Variants in CPA4 observed in about 807,000 individuals in gnomAD.
CPA4 encodes carboxypeptidase A4.
Under a neutral mutation model 54.7 loss-of-function variants are expected in CPA4, and 49 were observed. The observed-to-expected ratio is 0.90, with a 90% CI of 0.71 to 1.14. The LOEUF is 1.14. CPA4 is among the 50% of genes most tolerant of loss of function. The pLI is 0.00. For missense variants in CPA4, 487 were observed against 525.1 expected (o/e 0.93, Z 0.71); for synonymous variants, 215 against 206.8 (o/e 1.04, Z -0.34).
intron 1 of CPA4, chr7:130,293,471 C>A: frequency 1.9e-6 from 1 of 515,342 alleles, no homozygotes; most frequent in Non-Finnish European, 3.5e-6. Flanking sequence ...CCCCAGCTCC[C>A]TCATCTCCTG....
At chr7:130,295,729 C>A (rs1793638152) in intron 1 of CPA4, among the ~76,000 whole-genome samples, 1 of 152,206 alleles carries the variant, frequency 6.6e-6, no homozygotes, top group Non-Finnish European at 1.5e-5. Flanking sequence ...CCTGTAATCC[C>A]AGCACTTTGG....
chr7:130,295,603 G>A (rs1216474712), intron 1 of CPA4, among the ~76,000 whole-genome samples: 1 of 152,226 alleles, frequency 6.6e-6, no homozygotes, highest in East Asian at 1.9e-4. Flanking sequence ...CAAGGACAGT[G>A]AGGGCAAGAA....
Position 130,304,549 on chromosome 7 carries a change from G to C in CPA4, c.456G>C (p.Ser152=). ...DLARRVKIGH[S]FENRPMYVLK... ...CGAGGAGGGTGAAGATTGGACATTC[G>C]TTTGAAAACCGGCCGATGTATGTAC... is the stretch of plus-strand genomic sequence containing the variant. The change falls in exon 5 of 11, where the codon TCG becomes TCC. Residue 152 remains serine (S), a synonymous_variant. Coordinates refer to ENST00000222482, the MANE Select transcript of CPA4 (RefSeq NM_016352.4). The C allele has an allele frequency of 6.2e-7, 1 of 1,613,332 alleles. No homozygotes were observed.
intron 10 of CPA4, among the ~76,000 whole-genome samples, chr7:130,316,085 T>TTTAGG (rs1793983524): frequency 6.6e-6 from 1 of 152,144 alleles, no homozygotes; most frequent in Non-Finnish European, 1.5e-5. Flanking sequence ...GGATATGTTG[T>TTTAGG]ATGAGGGGAA....
At chr7:130,299,179 C>T (rs940958959) in intron 2 of CPA4, 91 bp from the exon 3 acceptor site, 45 of 1,354,080 alleles carry the variant, frequency 3.3e-5, no homozygotes, top group Non-Finnish European at 4.2e-5. Flanking sequence ...CAGGGATCAC[C>T]CTGGCTTTTG....
At chr7:130,306,340 G>A (rs754760680) in intron 6 of CPA4, 46 of 239,818 alleles carry the variant, frequency 1.9e-4, no homozygotes, top group African/African-American at 6.4e-4. Flanking sequence ...CCAAGATCAC[G>A]CCACTGCACT....
Position 130,322,761 on chromosome 7 carries a change from T to A in CPA4, c.*85T>A. Reference sequence around the variant, plus strand: ...TGTTAAAGGAGCTCTTTCCTACCTGTGTGAGTCAGAGCCCTCTGGGTTTGT... The same window carrying A: ...TGTTAAAGGAGCTCTTTCCTACCTGAGTGAGTCAGAGCCCTCTGGGTTTGT... On this transcript the variant is annotated 3_prime_UTR_variant, in exon 11 of 11. Coordinates refer to ENST00000222482, the MANE Select transcript of CPA4 (RefSeq NM_016352.4). 7.2e-7 allele frequency: 1 copy of A among 1,387,706 alleles called. No individual in the cohort carries two copies. Among genetic ancestry groups the A allele is most frequent in the Non-Finnish European group, 9.8e-7 (1 of 1,015,344 alleles). The allele number at this position is 1,387,706 out of a possible 1,614,324, so 86.0% of individuals were successfully genotyped here. A position where few individuals can be genotyped will look rare whatever the true frequency, so the allele number is the denominator to read the frequency against.
In CPA4 at chr7:130,322,530, G is replaced by T; in HGVS notation, c.1120G>T (p.Gly374Cys). The change falls in exon 11 of 11, where the codon GGC becomes TGC. Residue 374 changes from glycine (G) to cysteine (C), a missense_variant. Physicochemically the swap from Gly to Cys is radical, Grantham distance 159. Coordinates refer to ENST00000222482, the MANE Select transcript of CPA4 (RefSeq NM_016352.4). ...GSSIDWAYDN[G>C]IKFAFTFELR... ...CAGCATCGACTGGGCATATGACAAC[G>T]GCATCAAATTTGCATTCACATTTGA... The T allele has an allele frequency of 6.2e-7, 1 of 1,614,010 alleles. No individual in the cohort carries two copies. Among genetic ancestry groups the T allele is most frequent in the Non-Finnish European group, 8.5e-7 (1 of 1,179,960 alleles).
At position 130,323,177 on chromosome 7, in the gene CPA4, A is replaced by C. The variant is rs996213448; in HGVS notation, c.*501A>C. 8 of 152,216 alleles carry C rather than the reference A, an allele frequency of 5.3e-5. No homozygotes were observed. Among genetic ancestry groups the C allele is most frequent in the African/African-American group, 1.9e-4 (8 of 41,212 alleles). 9.4% of individuals were successfully genotyped at this position (152,216 alleles called of 1,614,324 possible). ...GGAAAATATTTTCCTTTGAGCAGCAAATCTTGTAGGGATATCAGTGAAGGT... is the reference window on the plus strand; with the variant it reads ...GGAAAATATTTTCCTTTGAGCAGCACATCTTGTAGGGATATCAGTGAAGGT... On this transcript the variant is annotated 3_prime_UTR_variant, in exon 11 of 11. Transcript: ENST00000222482.
intron 8 of CPA4, among the ~76,000 whole-genome samples, chr7:130,309,827 G>A (rs907907345): frequency 1.3e-4 from 20 of 152,134 alleles, no homozygotes; most frequent in East Asian, 3.9e-4. Flanking sequence ...GTGCAGTGGC[G>A]TGATCATGGC....
At chr7:130,309,435 A>G (rs1004466984) in intron 8 of CPA4, among the ~76,000 whole-genome samples, 1 of 152,102 alleles carries the variant, frequency 6.6e-6, no homozygotes, top group Non-Finnish European at 1.5e-5. Context: ...TGAAAATTCC[A>G]CTCCAGTACC....
chr7:130,323,937 T>TGTGTGTGTGTGTG lies in CPA4; in HGVS notation c.*1261_*1262insGTGTGTGTGTGTG, dbSNP rs1397563337. ...TGTGTGTGTGTGTGTGTGTGTGTGT[T>TGTGTGTGTGTGTG]TGTGTGTGTGTGTCTGTCTATTTTG... On this transcript the variant is annotated 3_prime_UTR_variant, in exon 11 of 11. Transcript: ENST00000222482. The TGTGTGTGTGTGTG allele has an allele frequency of 2.0e-5, 2 of 98,098 alleles. No homozygotes were observed. Among genetic ancestry groups the TGTGTGTGTGTGTG allele is most frequent in the Admixed American group, 9.7e-5 (1 of 10,290 alleles). The allele number at this position is 98,098 out of a possible 1,614,324, so 6.1% of individuals were successfully genotyped here.
At chr7:130,306,347 C>A (rs554986166) in intron 6 of CPA4, 173 of 237,104 alleles carry the variant, frequency 7.3e-4, no homozygotes, top group African/African-American at 3.8e-3. Flanking sequence ...CACGCCACTG[C>A]ACTCCAGCCT....
In CPA4 at chr7:130,305,816, T is replaced by C; in HGVS notation, c.487T>C (p.Phe163Leu). ...FENRPMYVLK[F>L]STGKGVRRPA... is the part of the protein sequence containing the mutation. ...TTCGAGCCTTTTCTCCCTTCTGCAG[T>C]TCAGCACTGGGAAAGGCGTGAGGCG... The change falls in exon 6 of 11, where the codon TTC becomes CTC. Residue 163 changes from phenylalanine (F) to leucine (L), a missense_variant and splice_region_variant. Physicochemically the swap from Phe to Leu is conservative, Grantham distance 22. Coordinates refer to ENST00000222482, the MANE Select transcript of CPA4 (RefSeq NM_016352.4). 6.2e-7 allele frequency: 1 copy of C among 1,613,822 alleles called. No individual in the cohort carries two copies. Among genetic ancestry groups the C allele is most frequent in the Non-Finnish European group, 8.5e-7 (1 of 1,179,710 alleles).
At chr7:130,304,174 TTGAC>T (rs1793782135) in intron 4 of CPA4, among the ~76,000 whole-genome samples, 2 of 152,170 alleles carry the variant, frequency 1.3e-5, no homozygotes, top group African/African-American at 4.8e-5. Context: ...CCGCTTGTCT[TTGAC>T]TGTCCAGTCT....
Position 130,306,891 on chromosome 7 carries a change from A to G in CPA4, c.696A>G (p.Gln232=), listed in dbSNP as rs1209742921. The G allele has an allele frequency of 1.1e-5, 17 of 1,537,180 alleles. No individual in the cohort carries two copies. Among genetic ancestry groups the G allele is most frequent in the Non-Finnish European group, 1.5e-5 (17 of 1,109,988 alleles). Residue 232 remains glutamine, a synonymous_variant, in exon 7 of 11, where the codon CAA becomes CAG. Transcript: ENST00000222482. ...ATCCTGATGGATATGTGTATACTCAAACTCAAGTGAGTATTCCCAAATGGG... is the reference window on the plus strand; with the variant it reads ...ATCCTGATGGATATGTGTATACTCAGACTCAAGTGAGTATTCCCAAATGGG... ...VANPDGYVYT[Q]TQNRLWRKTR...
At chr7:130,309,108 A>T (rs1793873263) in intron 8 of CPA4, among the ~76,000 whole-genome samples, 1 of 152,108 alleles carries the variant, frequency 6.6e-6, no homozygotes, top group East Asian at 1.9e-4. Flanking sequence ...AGCCTCCCAA[A>T]GTGCTGGGAT....
rs570229366 is a variant in CPA4, at chr7:130,322,855, G to A, written c.*179G>A. The A allele has an allele frequency of 4.3e-4, 227 of 528,736 alleles. No homozygotes were observed. The East Asian group carries it at 6.8e-3, about 16-fold the overall frequency. The allele number at this position is 528,736 out of a possible 1,614,324, so 32.8% of individuals were successfully genotyped here. ...GTGTGTCCTGGCAGTGTCCCTGCAA[G>A]AACTGGTTCTGCCAGCCTGCTCAAT... is the stretch of plus-strand genomic sequence containing the variant. On this transcript the variant is annotated 3_prime_UTR_variant, in exon 11 of 11. Transcript: ENST00000222482.
intron 10 of CPA4, among the ~76,000 whole-genome samples, chr7:130,315,775 G>A (rs1347348215): frequency 7.9e-5 from 12 of 152,174 alleles, no homozygotes; most frequent in Non-Finnish European, 4.4e-5. Flanking sequence ...CCCCTGGCTC[G>A]AAAGGTTGGG....
Sources: allele counts gnomAD v4.1 joint callset (sites outside exome capture counted in the v4.1 genomes callset), GRCh38; gene constraint gnomAD v4.1.1; transcripts MANE v1.5; gene names NCBI Gene and HGNC (gene_info 2026-07-23, HGNC 2026-07-21).